The following TANC1 variants were observed in gnomAD, a reference collection of about 807,000 sequenced individuals.
The protein encoded by TANC1 is tetratricopeptide repeat, ankyrin repeat and coiled-coil containing 1.
In TANC1, 77 loss-of-function variants were observed where a neutral mutation model predicts 149.7. That is an observed-to-expected ratio of 0.51 (90% CI 0.43 to 0.62). TANC1 has a LOEUF of 0.62. Ranked by LOEUF, TANC1 falls within the 20% of genes least tolerant of loss-of-function variation. The pLI is 0.00. For synonymous variants in TANC1, 854 were observed against 925.0 expected (o/e 0.92, Z 1.39); for missense variants, 1,985 against 2,321.8 (o/e 0.85, Z 2.98).
At chr2:159,007,969 C>G (rs1433924024) in intron 2 of TANC1, among the ~76,000 whole-genome samples, 1 of 152,206 alleles carries the variant, frequency 6.6e-6, no homozygotes, top group Non-Finnish European at 1.5e-5. Flanking sequence ...AGTTTCTTCA[C>G]AAATTAACAT....
chr2:159,066,554 G>A (rs751611434), intron 3 of TANC1, among the ~76,000 whole-genome samples: 9 of 152,204 alleles, frequency 5.9e-5, no homozygotes, highest in Non-Finnish European at 8.8e-5. Flanking sequence ...CAGATCTGGA[G>A]GGAGTCAAAG....
Position 159,163,271 on chromosome 2 carries a change from C to A in TANC1, c.683-12C>A. ...CTGGCCTCCTTCAAAGTATTTTGGT[C>A]TTTCATTTCAGCCACAATTACAAGT... On this transcript the variant is annotated splice_polypyrimidine_tract_variant and intron_variant, in intron 7 of 26. Transcript: ENST00000263635. 1 of 1,610,338 alleles carries A rather than the reference C, an allele frequency of 6.2e-7. No homozygotes were observed. Among genetic ancestry groups the A allele is most frequent in the South Asian group, 1.1e-5 (1 of 90,712 alleles).
rs746597610 is a variant in TANC1 at position 159,175,183 on chromosome 2, T to C, written c.1734T>C (p.Asn578=). ...TGGAGCCACTCACAAACCTGAGAAA[T>C]GGTACTTCGCAGCAGCTACCCACAG... ...GVLEPLTNLR[N]EQKIPEEEYI... Residue 578 remains asparagine, a splice_region_variant and synonymous_variant, in exon 12 of 27, where the codon AAT becomes AAC. Transcript: ENST00000263635. The C allele has an allele frequency of 1.2e-6, 2 of 1,612,848 alleles. No homozygotes were observed. The highest frequency in any genetic ancestry group is 2.2e-5 in the East Asian group (1 of 44,858).
At chr2:159,006,598 A>G (rs1461911957) in intron 2 of TANC1, among the ~76,000 whole-genome samples, 1 of 152,224 alleles carries the variant, frequency 6.6e-6, no homozygotes, top group African/African-American at 2.4e-5. Context: ...ATAATGAGAC[A>G]AGTAAACACG....
intron 1 of TANC1, among the ~76,000 whole-genome samples, chr2:158,981,959 C>T (rs997264736): frequency 6.6e-6 from 1 of 152,070 alleles, no homozygotes; most frequent in Non-Finnish European, 1.5e-5. Context: ...TGTACATTGT[C>T]TTAGAAACCC....
At chr2:159,101,109 GT>G (rs910417164) in intron 4 of TANC1, among the ~76,000 whole-genome samples, 15 of 152,202 alleles carry the variant, frequency 9.9e-5, no homozygotes, top group Admixed American at 5.2e-4. Flanking sequence ...GATGACTTTT[GT>G]TCTGATTTGT....
At chr2:159,106,786 CTGAG>C (rs1432196954) in intron 4 of TANC1, among the ~76,000 whole-genome samples, 1 of 152,200 alleles carries the variant, frequency 6.6e-6, no homozygotes, top group African/African-American at 2.4e-5. Flanking sequence ...TCACTACCAG[CTGAG>C]TATGAGGTTT....
At position 159,003,743 on chromosome 2, in the gene TANC1, T is replaced by TGCCGCA. The variant is rs374092507; in HGVS notation, c.-16+2556_-16+2561dup. Among the ~76,000 whole-genome samples the TGCCGCA allele has an allele frequency of 1.1e-3, 172 of 152,346 alleles. 1 individual carries two copies. The highest frequency in any genetic ancestry group is 4.0e-3 in the African/African-American group (167 of 41,572). ...ACGTTGGATCTGCTCCAGCTGCCGCTGCCGCAGTCGTCGTCTTTCTCTGTC... is the reference window on the plus strand; with the variant it reads ...ACGTTGGATCTGCTCCAGCTGCCGCTGCCGCAGCCGCAGTCGTCGTCTTTCTCTGTC... On this transcript the variant is annotated intron_variant, in intron 2 of 26. Coordinates refer to ENST00000263635, the MANE Select transcript of TANC1 (RefSeq NM_033394.3).
chr2:158,981,517 A>G (rs1298636678), intron 1 of TANC1, among the ~76,000 whole-genome samples: 1 of 119,788 alleles, frequency 8.3e-6, no homozygotes, highest in African/African-American at 3.0e-5. Flanking sequence ...ATATATATAT[A>G]TATATATATA....
chr2:159,164,188 AATACAGTCAGTCCCCTGTATCT>A (rs2054343398), intron 8 of TANC1, among the ~76,000 whole-genome samples: 1 of 152,140 alleles, frequency 6.6e-6, no homozygotes, highest in African/African-American at 2.4e-5. Flanking sequence ...AAGCAAGGAG[AATACAGTCAGTCCCCTGTATCT>A]ATAGTTCTAC....
intron 2 of TANC1, among the ~76,000 whole-genome samples, chr2:159,030,828 G>A (rs113472833): frequency 4.6e-5 from 7 of 152,218 alleles, no homozygotes; most frequent in Non-Finnish European, 1.0e-4. Flanking sequence ...GCATCCGGAG[G>A]CACTGGGCTT....
intron 19 of TANC1, among the ~76,000 whole-genome samples, chr2:159,209,042 C>T (rs544987225): frequency 5.5e-4 from 84 of 152,342 alleles, no homozygotes; most frequent in African/African-American, 1.7e-3. Context: ...CTATTGTATA[C>T]GCAGTCTGTC....
intron 3 of TANC1, among the ~76,000 whole-genome samples, chr2:159,087,523 T>G (rs2045048383): frequency 6.6e-6 from 1 of 151,674 alleles, no homozygotes; most frequent in Admixed American, 6.6e-5. Flanking sequence ...TTGTTTTTTT[T>G]TTGACACAGG....
At chr2:158,995,794 C>G (rs1047858777) in intron 1 of TANC1, among the ~76,000 whole-genome samples, 1 of 152,168 alleles carries the variant, frequency 6.6e-6, no homozygotes, top group Non-Finnish European at 1.5e-5. Context: ...CACTGACACC[C>G]ACTGCCTTAC....
intron 3 of TANC1, among the ~76,000 whole-genome samples, chr2:159,072,107 A>G (rs1322583494): frequency 6.6e-6 from 1 of 152,094 alleles, no homozygotes; most frequent in African/African-American, 2.4e-5. Context: ...CAAGCCTCCC[A>G]AGTACCTGGG....
rs1257292470 is a variant in TANC1 at position 159,136,266 on chromosome 2, A to G, written c.332A>G (p.Glu111Gly). Residue 111 changes from glutamate (E) to glycine (G), a missense_variant, in exon 5 of 27, where the codon GAA becomes GGA. Coordinates refer to ENST00000263635, the MANE Select transcript of TANC1 (RefSeq NM_033394.3). ...GATGCAGTTATAATGCCATTCAGAG[A>G]AGTAGCCAAGCCAACAGAGCCTGAT... ...PGDAVIMPFR[E>G]VAKPTEPDEH... 1 of 1,611,768 alleles carries G rather than the reference A, an allele frequency of 6.2e-7. No homozygotes were observed. Among genetic ancestry groups the G allele is most frequent in the South Asian group, 1.1e-5 (1 of 91,018 alleles).
At chr2:159,038,358 C>T (rs1204342820) in intron 2 of TANC1, among the ~76,000 whole-genome samples, 1 of 152,116 alleles carries the variant, frequency 6.6e-6, no homozygotes, top group East Asian at 1.9e-4. Context: ...TTTATCTTGT[C>T]TGATTGCCCT....
intron 4 of TANC1, among the ~76,000 whole-genome samples, chr2:159,132,570 C>G (rs1156632170): frequency 6.6e-6 from 1 of 151,918 alleles, no homozygotes; most frequent in Non-Finnish European, 1.5e-5. Flanking sequence ...CTCACTGCAC[C>G]CTCCATCTCC....
chr2:159,150,686 C>T lies in TANC1; in HGVS notation c.682+130C>T, dbSNP rs2150320372. On this transcript the variant is annotated intron_variant, in intron 7 of 26. Transcript: ENST00000263635. Reference sequence around the variant, plus strand: ...CTGCCAGCGCCTGCTCTGTTCTTTGCAGGCAGCACTGACTCCATGTGTAGC... The same window carrying T: ...CTGCCAGCGCCTGCTCTGTTCTTTGTAGGCAGCACTGACTCCATGTGTAGC... 8 of 659,138 alleles carry T rather than the reference C, an allele frequency of 1.2e-5. No homozygotes were observed. In the East Asian group the frequency reaches 2.2e-4, roughly 18 times the overall value. The allele number at this position is 659,138 out of a possible 1,614,324, so 40.8% of individuals were successfully genotyped here.
Sources: allele counts gnomAD v4.1 joint callset (sites outside exome capture counted in the v4.1 genomes callset), GRCh38; gene constraint gnomAD v4.1.1; transcripts MANE v1.5; gene names NCBI Gene and HGNC (gene_info 2026-07-23, HGNC 2026-07-21).